MDGA2: variants seen among roughly 807,000 people sequenced by gnomAD.
The protein encoded by MDGA2 is MAM domain-containing glycosylphosphatidylinositol anchor protein 2.
In MDGA2, 40 loss-of-function variants were observed where a neutral mutation model predicts 117.8. The ratio of observed to expected loss-of-function variants is 0.34; its 90% CI spans 0.26 to 0.44. MDGA2 has a LOEUF of 0.44. Ranked by LOEUF, MDGA2 falls within the 20% of genes least tolerant of loss-of-function variation. MDGA2 has a pLI of 1.00. For synonymous variants in MDGA2, 452 were observed against 439.0 expected (o/e 1.03, Z -0.37); for missense variants, 1,123 against 1,250.6 (o/e 0.90, Z 1.54).
chr14:47,656,353 A>G (rs1276124539), intron 1 of MDGA2, among the ~76,000 whole-genome samples: 1 of 152,134 alleles, frequency 6.6e-6, no homozygotes, highest in Non-Finnish European at 1.5e-5. Context: ...TCTAACCACC[A>G]AGTTCAAGAC....
chr14:47,543,670 T>G (rs1275455876), intron 1 of MDGA2, among the ~76,000 whole-genome samples: 10 of 152,248 alleles, frequency 6.6e-5, no homozygotes, highest in Admixed American at 6.5e-4. Flanking sequence ...TGTTCACTCA[T>G]GCACCCTGCT....
At chr14:47,114,323 A>G (rs1236812509) in intron 5 of MDGA2, among the ~76,000 whole-genome samples, 1 of 152,228 alleles carries the variant, frequency 6.6e-6, no homozygotes, top group African/African-American at 2.4e-5. Context: ...ATGAAGAATC[A>G]ATATGGTGAA....
chr14:47,041,388 G>C (rs959226215), intron 7 of MDGA2, among the ~76,000 whole-genome samples: 3 of 151,958 alleles, frequency 2.0e-5, no homozygotes. Context: ...ATCAAATTTA[G>C]CATAAATATT....
intron 1 of MDGA2, among the ~76,000 whole-genome samples, chr14:47,486,761 C>T (rs1473406044): frequency 2.0e-5 from 3 of 152,126 alleles, no homozygotes; most frequent in Non-Finnish European, 4.4e-5. Context: ...AAGCTTTCTT[C>T]CTTTGCTTGC....
intron 1 of MDGA2, among the ~76,000 whole-genome samples, chr14:47,513,426 A>C (rs534234835): frequency 6.6e-6 from 1 of 152,094 alleles, no homozygotes; most frequent in East Asian, 1.9e-4. Flanking sequence ...AAAATGTTGA[A>C]TCATTTAATT....
intron 9 of MDGA2, among the ~76,000 whole-genome samples, chr14:46,945,931 A>G (rs1028562342): frequency 7.2e-5 from 11 of 152,146 alleles, no homozygotes; most frequent in Non-Finnish European, 1.3e-4. Context: ...AAAGATTTTA[A>G]GGAAGACATG....
At chr14:47,527,727 A>G (rs1895002208) in intron 1 of MDGA2, among the ~76,000 whole-genome samples, 1 of 152,196 alleles carries the variant, frequency 6.6e-6, no homozygotes, top group African/African-American at 2.4e-5. Flanking sequence ...GACCCTCATA[A>G]TATCAGCCTT....
intron 1 of MDGA2, among the ~76,000 whole-genome samples, chr14:47,609,428 C>CATATATATATATATAT (rs3040345): frequency 0.019 from 327 of 17,502 alleles, 48 homozygotes; most frequent in Non-Finnish European, 0.029. Context: ...AGTATTCCAT[C>CATATATATATATATAT]ATATATATAT....
chr14:46,864,415 T>A (rs556199553), intron 14 of MDGA2, among the ~76,000 whole-genome samples: 1 of 151,530 alleles, frequency 6.6e-6, no homozygotes, highest in East Asian at 1.9e-4. Flanking sequence ...ATTTTAGTTC[T>A]TTACATTTTA....
chr14:46,883,520 C>T lies in MDGA2; in HGVS notation c.2239-1299G>A, dbSNP rs1882546272. On this transcript the variant is annotated intron_variant, in intron 10 of 16. Transcript: ENST00000399232. Reference sequence around the variant, plus strand: ...TATATTAGAAATTTTTTTAGAATTACAAGTGAGAATGCTCAACATTATTTA... The same window carrying T: ...TATATTAGAAATTTTTTTAGAATTATAAGTGAGAATGCTCAACATTATTTA... Among the ~76,000 whole-genome samples the T allele has an allele frequency of 3.3e-5, 5 of 151,900 alleles. 1 individual carries two copies. The highest frequency in any genetic ancestry group is 3.3e-4 in the Admixed American group (5 of 15,214).
At chr14:47,256,819 A>G (rs923683825) in intron 2 of MDGA2, among the ~76,000 whole-genome samples, 2 of 151,948 alleles carry the variant, frequency 1.3e-5, no homozygotes, top group Non-Finnish European at 2.9e-5. Flanking sequence ...GAAGGAAGGA[A>G]GAAAGGAAAG....
chr14:46,949,673 C>T (rs1279582583), intron 9 of MDGA2, among the ~76,000 whole-genome samples: 1 of 151,944 alleles, frequency 6.6e-6, no homozygotes, highest in East Asian at 1.9e-4. Context: ...CATGTTGCTA[C>T]AAAGGACATG....
chr14:46,963,619 C>G (rs1885897563), intron 8 of MDGA2, among the ~76,000 whole-genome samples: 1 of 152,170 alleles, frequency 6.6e-6, no homozygotes, highest in East Asian at 1.9e-4. Context: ...CTTTCAATAG[C>G]TGGCTCATTC....
rs1179498297 is a variant in MDGA2 at position 47,674,811 on chromosome 14, ACACACACT to A, written c.-23_-16del. 2 of 644,422 alleles carry A rather than the reference ACACACACT, an allele frequency of 3.1e-6. No homozygotes were observed. The highest frequency in any genetic ancestry group is 2.6e-5 in the Admixed American group (1 of 37,742). The allele number at this position is 644,422 out of a possible 1,614,324, so 39.9% of individuals were successfully genotyped here. ...CACACACTCATGCACACACACACTC[ACACACACT>A]CACACACTCTCCCACAACACAATAC... is the stretch of plus-strand genomic sequence containing the variant. On this transcript the variant is annotated 5_prime_UTR_variant, in exon 1 of 17. Transcript: ENST00000399232.
chr14:47,213,759 T>C (rs1029062086), intron 3 of MDGA2, among the ~76,000 whole-genome samples: 26 of 152,288 alleles, frequency 1.7e-4, no homozygotes, highest in African/African-American at 5.1e-4. Flanking sequence ...TTCCTTTTTT[T>C]TCTGAGAATA....
intron 5 of MDGA2, among the ~76,000 whole-genome samples, chr14:47,107,255 A>C (rs1026475022): frequency 1.3e-5 from 2 of 151,670 alleles, no homozygotes; most frequent in Non-Finnish European, 2.9e-5. Context: ...AAGCCTATAA[A>C]CTCTCCTTAC....
At chr14:47,353,844 G>A (rs540022514) in intron 1 of MDGA2, among the ~76,000 whole-genome samples, 30 of 152,182 alleles carry the variant, frequency 2.0e-4, no homozygotes, top group Admixed American at 7.9e-4. Flanking sequence ...AGAAAAATAC[G>A]CTACATGAAA....
intron 8 of MDGA2, among the ~76,000 whole-genome samples, chr14:46,973,841 T>TA (rs532268973): frequency 9.7e-4 from 147 of 151,914 alleles, no homozygotes; most frequent in Non-Finnish European, 1.7e-3. Flanking sequence ...ATCAGAAAAG[T>TA]AAAAAAGCAA....
intron 8 of MDGA2, among the ~76,000 whole-genome samples, chr14:46,998,516 G>A (rs1048691080): frequency 1.3e-5 from 2 of 152,028 alleles, no homozygotes; most frequent in Non-Finnish European, 2.9e-5. Context: ...CCAATATCAA[G>A]CTCTTTTGCA....
Sources: gnomAD v4.1 joint callset for allele counts (sites outside exome capture counted in the v4.1 genomes callset) on GRCh38, gnomAD v4.1.1 for gene constraint, MANE v1.5 for transcripts, NCBI Gene and HGNC (gene_info 2026-07-23, HGNC 2026-07-21) for gene names.